WWOX: variants seen among roughly 807,000 people sequenced by gnomAD.
WWOX encodes the protein WW domain containing oxidoreductase.
Under a neutral mutation model 46.2 loss-of-function variants are expected in WWOX, and 69 were observed. The ratio of observed to expected loss-of-function variants is 1.49; its 90% confidence interval spans 1.23 to 1.82. WWOX has a LOEUF of 1.82. WWOX is among the 40% of genes most tolerant of loss of function. The pLI, the probability that WWOX is intolerant of heterozygous loss-of-function variation, is 0.00. For synonymous variants in WWOX, 359 were observed against 202.6 expected, an observed-to-expected ratio of 1.77 and a Z score of -6.56; for missense variants, 919 against 542.6, an observed-to-expected ratio of 1.69 and a Z score of -6.89.
chr16:79,203,179 T>G (rs764247764), intron 8 of WWOX: 5 of 152,228 alleles, frequency 3.3e-5, no homozygotes, highest in Non-Finnish European at 7.3e-5. Flanking sequence ...GAGATCTCTC[T>G]GTGTAAAGGC....
chr16:78,421,372 G>T (rs2082926226), intron 6 of WWOX, among the ~76,000 whole-genome samples: 1 of 152,012 alleles, frequency 6.6e-6, no homozygotes, highest in Non-Finnish European at 1.5e-5. Flanking sequence ...TCTAATCTCT[G>T]CCTCTGTCTT....
intron 8 of WWOX, among the ~76,000 whole-genome samples, chr16:78,812,621 G>A (rs1039484688): frequency 6.6e-6 from 1 of 152,136 alleles, no homozygotes; most frequent in East Asian, 1.9e-4. Flanking sequence ...AGCTGCTCGG[G>A]AGGCTGACGC....
intron 8 of WWOX, among the ~76,000 whole-genome samples, chr16:79,008,830 A>G (rs1183771160): frequency 2.0e-5 from 3 of 152,182 alleles, no homozygotes; most frequent in Non-Finnish European, 4.4e-5. Flanking sequence ...GCAGCCGGAG[A>G]CCAGGGGGCC....
At chr16:78,730,990 A>G (rs781459942) in intron 8 of WWOX, among the ~76,000 whole-genome samples, 17 of 152,148 alleles carry the variant, frequency 1.1e-4, no homozygotes, top group Non-Finnish European at 2.5e-4. Context: ...TACAGTATCA[A>G]ATCAACTGCA....
chr16:78,576,376 G>C (rs956891621), intron 8 of WWOX, among the ~76,000 whole-genome samples: 7 of 152,174 alleles, frequency 4.6e-5, no homozygotes, highest in Admixed American at 2.0e-4. Flanking sequence ...GACATAGCTT[G>C]GTTTAGCATA....
intron 8 of WWOX, among the ~76,000 whole-genome samples, chr16:78,992,416 C>T (rs893792666): frequency 8.5e-5 from 13 of 152,078 alleles, no homozygotes; most frequent in African/African-American, 3.1e-4. Context: ...GCAGTGAACC[C>T]AGATTGCGCC....
chr16:79,044,389 C>G (rs58418896), intron 8 of WWOX, among the ~76,000 whole-genome samples: 13 of 152,116 alleles, frequency 8.5e-5, no homozygotes, highest in African/African-American at 3.1e-4. Context: ...GGGTGGATTT[C>G]TCATGAATGG....
rs919750160 is a variant in WWOX at position 78,781,874 on chromosome 16, A to C, written c.1056+349122A>C. On this transcript the variant is annotated intron_variant, in intron 8 of 8. Coordinates refer to ENST00000566780, the MANE Select transcript of WWOX (RefSeq NM_016373.4). ...TATGAGCAGGTAACATGCATTGAAC[A>C]CTTATTTGCTCCATGCAATGTTCAC... is the stretch of plus-strand genomic sequence containing the variant. Among the ~76,000 whole-genome samples, 5 of 152,214 alleles carry C rather than the reference A, an allele frequency of 3.3e-5. No homozygotes were observed. In the East Asian group the frequency reaches 5.8e-4, roughly 18 times the overall value.
At chr16:78,672,784 G>C (rs1037271458) in intron 8 of WWOX, among the ~76,000 whole-genome samples, 2 of 152,250 alleles carry the variant, frequency 1.3e-5, no homozygotes, top group African/African-American at 2.4e-5. Flanking sequence ...TGGCCTGACA[G>C]CTCTTGAGTT....
intron 8 of WWOX, among the ~76,000 whole-genome samples, chr16:79,113,944 C>T (rs1277720632): frequency 6.6e-6 from 1 of 152,196 alleles, no homozygotes; most frequent in Non-Finnish European, 1.5e-5. Context: ...TCCTAAGGCC[C>T]AGCCACAACG....
intron 6 of WWOX, among the ~76,000 whole-genome samples, chr16:78,410,102 G>T (rs2082643234): frequency 6.6e-6 from 1 of 152,092 alleles, no homozygotes; most frequent in Non-Finnish European, 1.5e-5. Flanking sequence ...ATGATATCTG[G>T]CACCTTCCTT....
intron 8 of WWOX, among the ~76,000 whole-genome samples, chr16:79,175,425 G>A (rs1361471105): frequency 2.0e-5 from 3 of 152,124 alleles, no homozygotes; most frequent in South Asian, 4.1e-4. Context: ...CCACCAGGTC[G>A]GCCACAAAGC....
intron 8 of WWOX, among the ~76,000 whole-genome samples, chr16:78,438,526 C>T (rs2083380353): frequency 6.6e-6 from 1 of 152,016 alleles, no homozygotes; most frequent in Admixed American, 6.6e-5. Context: ...CAGGTCCAAG[C>T]CGGTCCTTTG....
intron 8 of WWOX, among the ~76,000 whole-genome samples, chr16:78,715,589 T>G (rs997915278): frequency 2.6e-5 from 4 of 151,974 alleles, no homozygotes; most frequent in Admixed American, 6.6e-5. Flanking sequence ...GTTCAAGCGA[T>G]TCTCCTGCCT....
intron 8 of WWOX, among the ~76,000 whole-genome samples, chr16:78,514,548 C>G (rs1040703891): frequency 6.6e-6 from 1 of 152,176 alleles, no homozygotes; most frequent in Non-Finnish European, 1.5e-5. Flanking sequence ...TGCCTTTCCT[C>G]TGAGCTCTTG....
chr16:78,732,037 C>A (rs1182989484), intron 8 of WWOX, among the ~76,000 whole-genome samples: 2 of 151,814 alleles, frequency 1.3e-5, no homozygotes, highest in African/African-American at 4.8e-5. Context: ...ACAAACAAAA[C>A]ACTTTTTGTA....
intron 8 of WWOX, among the ~76,000 whole-genome samples, chr16:78,794,704 G>A (rs945317578): frequency 3.3e-5 from 5 of 152,174 alleles, no homozygotes; most frequent in Admixed American, 6.5e-5. Context: ...TTGTCATTAC[G>A]CTTACTGTTA....
intron 8 of WWOX, among the ~76,000 whole-genome samples, chr16:78,606,870 G>C (rs2045772872): frequency 6.6e-6 from 1 of 152,138 alleles, no homozygotes; most frequent in Non-Finnish European, 1.5e-5. Flanking sequence ...CTGAACACTT[G>C]AGTGGGCAGG....
chr16:78,185,054 C>T (rs1350575474), intron 5 of WWOX, among the ~76,000 whole-genome samples: 5 of 152,146 alleles, frequency 3.3e-5, no homozygotes, highest in Non-Finnish European at 7.4e-5. Flanking sequence ...GATGTGCTGA[C>T]CCTCGCTCTG....
Sources: allele counts gnomAD v4.1 joint callset (sites outside exome capture counted in the v4.1 genomes callset), GRCh38; gene constraint gnomAD v4.1.1; transcripts MANE v1.5; gene names NCBI Gene and HGNC (gene_info 2026-07-23, HGNC 2026-07-21).